The following TMEM170B variants were observed in gnomAD, a reference collection of about 807,000 sequenced individuals.
TMEM170B encodes the protein transmembrane protein 170B.
A neutral mutation model predicts 13.0 loss-of-function variants in TMEM170B; 6 were observed. The observed-to-expected ratio is 0.46, with a 90% CI of 0.25 to 0.91. The LOEUF (loss-of-function observed/expected upper bound fraction) is 0.91, where lower values mean the gene tolerates loss of function less well. TMEM170B is among the 40% of genes least tolerant of loss of function. The probability of loss-of-function intolerance (pLI) is 0.17; values close to 1 mark genes in which losing one functional copy is unlikely to be tolerated. For missense variants in TMEM170B, 138 were observed against 165.2 expected (o/e 0.84, Z 0.90); for synonymous variants, 61 against 64.9 (o/e 0.94, Z 0.29).
chr6:11,555,116 C>A (rs1759571831), intron 1 of TMEM170B, among the ~76,000 whole-genome samples: 1 of 151,928 alleles, frequency 6.6e-6, no homozygotes, highest in Non-Finnish European at 1.5e-5. Context: ...AATAAATGTT[C>A]ATTTCACCTT....
intron 1 of TMEM170B, among the ~76,000 whole-genome samples, chr6:11,562,068 C>T (rs1251589010): frequency 5.3e-5 from 8 of 152,068 alleles, no homozygotes; most frequent in Non-Finnish European, 1.0e-4. Context: ...AGGTACAAGG[C>T]GGATTGTTGA....
chr6:11,555,703 A>T (rs1432121444), intron 1 of TMEM170B, among the ~76,000 whole-genome samples: 1 of 152,194 alleles, frequency 6.6e-6, no homozygotes, highest in Non-Finnish European at 1.5e-5. Flanking sequence ...AGACTTTAAC[A>T]TATTAACAAT....
intron 1 of TMEM170B, among the ~76,000 whole-genome samples, chr6:11,540,154 T>C (rs1462956344): frequency 6.6e-6 from 1 of 152,222 alleles, no homozygotes; most frequent in Non-Finnish European, 1.5e-5. Flanking sequence ...ATCAAGGTGA[T>C]GATTGCTGGA....
chr6:11,547,767 C>T (rs1235501589), intron 1 of TMEM170B, among the ~76,000 whole-genome samples: 2 of 151,886 alleles, frequency 1.3e-5, no homozygotes, highest in Admixed American at 1.3e-4. Flanking sequence ...AATTCATATC[C>T]TCTAGCAATA....
chr6:11,545,264 T>TTCTTC (rs1554150416), intron 1 of TMEM170B, among the ~76,000 whole-genome samples: 3 of 127,818 alleles, frequency 2.3e-5, no homozygotes, highest in African/African-American at 8.1e-5. Context: ...GTTAAAAGGC[T>TTCTTC]TCTCTCTCTC....
intron 2 of TMEM170B, among the ~76,000 whole-genome samples, chr6:11,571,849 AAG>A (rs1759808270): frequency 6.6e-6 from 1 of 152,154 alleles, no homozygotes; most frequent in Non-Finnish European, 1.5e-5. Flanking sequence ...AAGTTATAAA[AAG>A]ACAACCCGGT....
chr6:11,565,151 A>G (rs1442032316), intron 1 of TMEM170B, among the ~76,000 whole-genome samples: 1 of 152,214 alleles, frequency 6.6e-6, no homozygotes, highest in Non-Finnish European at 1.5e-5. Flanking sequence ...CAAATAATTT[A>G]TCTGACTGAT....
At chr6:11,545,278 C>CTGTGTGTG (rs1222024504) in intron 1 of TMEM170B, among the ~76,000 whole-genome samples, 1 of 89,680 alleles carries the variant, frequency 1.1e-5, no homozygotes, top group African/African-American at 3.8e-5. Flanking sequence ...CTCTCTCTCT[C>CTGTGTGTG]TCTGTGTGTG....
chr6:11,552,907 C>G (rs1448504285), intron 1 of TMEM170B, among the ~76,000 whole-genome samples: 1 of 152,120 alleles, frequency 6.6e-6, no homozygotes, highest in East Asian at 1.9e-4. Context: ...TGTGTCTAAT[C>G]AGAGTTGTGG....
intron 1 of TMEM170B, among the ~76,000 whole-genome samples, chr6:11,553,442 G>A (rs1042982844): frequency 6.6e-6 from 1 of 152,086 alleles, no homozygotes; most frequent in Non-Finnish European, 1.5e-5. Context: ...GGATAATTGG[G>A]GTTCTGCTAA....
At chr6:11,558,073 C>G (rs1759613736) in intron 1 of TMEM170B, among the ~76,000 whole-genome samples, 1 of 152,146 alleles carries the variant, frequency 6.6e-6, no homozygotes, top group Non-Finnish European at 1.5e-5. Flanking sequence ...CCACACCTGA[C>G]CAATCTCTTT....
At chr6:11,572,525 C>T (rs2113782488) in intron 2 of TMEM170B, among the ~76,000 whole-genome samples, 1 of 152,134 alleles carries the variant, frequency 6.6e-6, no homozygotes, top group East Asian at 1.9e-4. Context: ...CATATCCTGA[C>T]ATTTAAGATG....
At position 11,538,101 on chromosome 6, in the gene TMEM170B, G is replaced by GC. The variant is rs1263249658; in HGVS notation, c.-170dup. On this transcript the variant is annotated 5_prime_UTR_variant, in exon 1 of 3. Coordinates refer to ENST00000379426, the MANE Select transcript of TMEM170B (RefSeq NM_001100829.3). The stretch of plus-strand genomic sequence containing the variant: ...GGCTGCCTGGGAGACACGCTGAGCG[G>GC]CCCCCCCACGGAGGCCCTCCGGCTG... Among the ~76,000 whole-genome samples, 1 of 150,806 alleles carries GC rather than the reference G, an allele frequency of 6.6e-6. No individual in the cohort carries two copies. The highest frequency in any genetic ancestry group is 1.5e-5 in the Non-Finnish European group (1 of 67,488).
chr6:11,575,435 A>G lies in TMEM170B; in HGVS notation c.273A>G (p.Ala91=). 6.2e-7 allele frequency: 1 copy of G among 1,613,404 alleles called. No individual in the cohort carries two copies. The change falls in exon 3 of 3, where the codon GCA becomes GCG. Residue 91 remains alanine, a synonymous_variant. Transcript: ENST00000379426. This position sits in a 1 kb window ranked among gnomAD's most constrained non-coding sequence, Gnocchi z 4.1. The part of the protein sequence containing the change: ...ASVTGAMITS[A]AVAGIYRVAG... The stretch of plus-strand genomic sequence containing the variant: ...TTTTCTCCCGTTTCTCCTTAGGTGC[A>G]GCAGTAGCGGGCATTTACAGAGTAG...
intron 1 of TMEM170B, among the ~76,000 whole-genome samples, chr6:11,564,784 C>G (rs987714312): frequency 1.3e-5 from 2 of 152,154 alleles, no homozygotes; most frequent in African/African-American, 4.8e-5. Context: ...AAATCTTGAG[C>G]CTTTCTGCTT....
At chr6:11,547,195 G>C (rs1462417749) in intron 1 of TMEM170B, among the ~76,000 whole-genome samples, 1 of 151,998 alleles carries the variant, frequency 6.6e-6, no homozygotes, top group Non-Finnish European at 1.5e-5. Context: ...AGCCATTTTT[G>C]TTTCAATATT....
intron 2 of TMEM170B, among the ~76,000 whole-genome samples, chr6:11,568,386 G>A (rs547806806): frequency 2.0e-5 from 3 of 152,278 alleles, no homozygotes; most frequent in South Asian, 2.1e-4. Context: ...AACAGAGGGG[G>A]AAGGAAGAAG....
intron 1 of TMEM170B, among the ~76,000 whole-genome samples, chr6:11,549,991 G>A (rs1759502655): frequency 6.6e-6 from 1 of 151,766 alleles, no homozygotes. Flanking sequence ...ATACTTACAT[G>A]TACATCAATT....
rs111906118 is a variant in TMEM170B at position 11,545,789 on chromosome 6, C to T, written c.97+7415C>T. Reference sequence around the variant, plus strand: ...TTGGGAGGCCGAGGCAGGTGGATCACGAGGTCAGGAGATCGAGACCATCCT... The same window carrying T: ...TTGGGAGGCCGAGGCAGGTGGATCATGAGGTCAGGAGATCGAGACCATCCT... On this transcript the variant is annotated intron_variant, in intron 1 of 2. Coordinates refer to ENST00000379426, the MANE Select transcript of TMEM170B (RefSeq NM_001100829.3). 4.6e-3 allele frequency among the ~76,000 whole-genome samples: 699 copies of T among 151,166 alleles called. 7 individuals carry two copies. The highest frequency in any genetic ancestry group is 0.016 in the African/African-American group (652 of 41,148).
Sources: allele counts gnomAD v4.1 joint callset (sites outside exome capture counted in the v4.1 genomes callset), GRCh38; gene constraint gnomAD v4.1.1; non-coding constraint Gnocchi (gnomAD v3.1); transcripts MANE v1.5; gene names NCBI Gene and HGNC (gene_info 2026-07-23, HGNC 2026-07-21).